The following ENPP3 variants were observed in gnomAD, a reference collection of about 807,000 sequenced individuals.
ENPP3 encodes the protein ectonucleotide pyrophosphatase/phosphodiesterase family member 3.
In ENPP3, 104 loss-of-function variants were observed where a neutral mutation model predicts 117.8. That is an observed-to-expected ratio of 0.88 (90% confidence interval 0.75 to 1.04). ENPP3 has a LOEUF of 1.04. Ranked by LOEUF, ENPP3 falls within the 50% of genes least tolerant of loss-of-function variation. The probability of loss-of-function intolerance (pLI) is 0.00; values close to 1 mark genes in which losing one functional copy is unlikely to be tolerated. For synonymous variants in ENPP3, 380 were observed against 349.9 expected (o/e 1.09, Z -0.96); for missense variants, 1,026 against 1,051.9 (o/e 0.98, Z 0.34).
Position 131,658,215 on chromosome 6 carries a change from G to T in ENPP3, c.465-108G>T, listed in dbSNP as rs977671050. 25 of 650,958 alleles carry T rather than the reference G, an allele frequency of 3.8e-5. No homozygotes were observed. In the African/African-American group the frequency reaches 4.5e-4, roughly 12 times the overall value. The allele number at this position is 650,958 out of a possible 1,614,324, so 40.3% of individuals were successfully genotyped here. ...GACAGTGTCTGGCTATGGCCCAAAAGTTACCCAATTATTTTACCTTAAACA... is the reference window on the plus strand; with the variant it reads ...GACAGTGTCTGGCTATGGCCCAAAATTTACCCAATTATTTTACCTTAAACA... On this transcript the variant is annotated intron_variant, in intron 5 of 24. Transcript: ENST00000357639.
At chr6:131,645,676 G>A (rs527599304) in intron 2 of ENPP3, among the ~76,000 whole-genome samples, 1 of 152,286 alleles carries the variant, frequency 6.6e-6, no homozygotes, top group East Asian at 1.9e-4. Context: ...GCTAGGTGTT[G>A]AATTCTAAGA....
intron 21 of ENPP3, among the ~76,000 whole-genome samples, chr6:131,734,955 A>G (rs1025362989): frequency 3.3e-5 from 5 of 152,064 alleles, no homozygotes; most frequent in Admixed American, 1.3e-4. Context: ...AAATTTGTGT[A>G]TAAAATTGTA....
intron 24 of ENPP3, among the ~76,000 whole-genome samples, chr6:131,746,506 G>T (rs1780638462): frequency 6.6e-6 from 1 of 151,926 alleles, no homozygotes; most frequent in Non-Finnish European, 1.5e-5. Flanking sequence ...GAGCCCTGGG[G>T]ACTTAACTTC....
At chr6:131,644,545 G>A (rs1009242890) in intron 2 of ENPP3, among the ~76,000 whole-genome samples, 11 of 152,176 alleles carry the variant, frequency 7.2e-5, no homozygotes, top group African/African-American at 2.7e-4. Flanking sequence ...CAGAATTTTT[G>A]TATGAACATC....
intron 11 of ENPP3, among the ~76,000 whole-genome samples, chr6:131,681,122 G>A (rs1437736588): frequency 2.0e-5 from 3 of 152,148 alleles, no homozygotes; most frequent in East Asian, 3.9e-4. Context: ...AGTAACTCTC[G>A]CTGGCAAACC....
At chr6:131,656,766 CAAAA>C (rs776315476) in intron 5 of ENPP3, among the ~76,000 whole-genome samples, 1 of 90,874 alleles carries the variant, frequency 1.1e-5, no homozygotes. Context: ...GACTCCGTCT[CAAAA>C]AAAAAAAAAA....
chr6:131,720,785 A>G (rs1780000441), intron 17 of ENPP3, among the ~76,000 whole-genome samples: 1 of 152,040 alleles, frequency 6.6e-6, no homozygotes, highest in African/African-American at 2.4e-5. Flanking sequence ...GTGTTTCACC[A>G]TGTTGGCCAG....
chr6:131,649,418 A>G (rs956088209), intron 2 of ENPP3, among the ~76,000 whole-genome samples: 6 of 152,140 alleles, frequency 3.9e-5, no homozygotes, highest in African/African-American at 1.4e-4. Context: ...GCTGTTCTCC[A>G]AACATGCCTT....
chr6:131,746,803 T>C lies in ENPP3; in HGVS notation c.2475T>C (p.Ala825=). Residue 825 remains alanine, a synonymous_variant, in exon 25 of 25, where the codon GCT becomes GCC. Coordinates refer to ENST00000357639, the MANE Select transcript of ENPP3 (RefSeq NM_005021.5). ...TTTTTCAGGAAGGTAAACCAGAAGC[T>C]CTTTGGGTTGAAGAAAGATTTACAG... The part of the protein sequence containing the change: ...VESCPEGKPE[A]LWVEERFTAH... 6.2e-7 allele frequency: 1 copy of C among 1,606,262 alleles called. No individual in the cohort carries two copies. Among genetic ancestry groups the C allele is most frequent in the African/African-American group, 1.3e-5 (1 of 74,634 alleles).
At chr6:131,643,883 T>C (rs987873748) in intron 2 of ENPP3, among the ~76,000 whole-genome samples, 1 of 151,684 alleles carries the variant, frequency 6.6e-6, no homozygotes, top group African/African-American at 2.4e-5. Context: ...GATAAAGTGC[T>C]AAGAAATAAG....
At chr6:131,725,681 A>G (rs887230820) in intron 19 of ENPP3, among the ~76,000 whole-genome samples, 1 of 152,184 alleles carries the variant, frequency 6.6e-6, no homozygotes, top group Non-Finnish European at 1.5e-5. Context: ...CAAAGTATGT[A>G]CTTTTGACTT....
chr6:131,723,543 T>A lies in ENPP3; in HGVS notation c.1747-497T>A, dbSNP rs117939417. Among the ~76,000 whole-genome samples, 185 of 152,290 alleles carry A rather than the reference T, an allele frequency of 1.2e-3. 2 individuals are homozygous for A. In the East Asian group the frequency reaches 0.022, roughly 18 times the overall value. On this transcript the variant is annotated intron_variant, in intron 18 of 24. Coordinates refer to ENST00000357639, the MANE Select transcript of ENPP3 (RefSeq NM_005021.5). ...TTCTATCTGGCTGCAAACCCCAAGT[T>A]CTATGTAAAGAATGCCTCTTGCTAT...
intron 9 of ENPP3, among the ~76,000 whole-genome samples, chr6:131,675,794 G>A (rs1488311719): frequency 1.3e-5 from 2 of 152,106 alleles, no homozygotes; most frequent in Non-Finnish European, 1.5e-5. Flanking sequence ...GAGATCAGGG[G>A]CTCCTGCAGT....
In ENPP3 at chr6:131,683,147, C is replaced by T. The variant is rs1259697827; in HGVS notation, c.1105C>T (p.Leu369Phe). 1 of 1,592,580 alleles carries T rather than the reference C, an allele frequency of 6.3e-7. No individual in the cohort carries two copies. Among genetic ancestry groups the T allele is most frequent in the East Asian group, 2.2e-5 (1 of 44,740 alleles). Residue 369 changes from leucine (L) to phenylalanine (F), a missense_variant, in exon 12 of 25, where the codon CTT (leucine) becomes TTT (phenylalanine). Leu to Phe is a conservative substitution (Grantham distance 22, BLOSUM62 0). Transcript: ENST00000357639. Reference sequence around the variant, plus strand: ...TTTGCACAACTGTGTCAATATCATCCTTCTGGCTGACCATGGTATGCTTTT... The same window carrying T: ...TTTGCACAACTGTGTCAATATCATCTTTCTGGCTGACCATGGTATGCTTTT... ...RNLHNCVNIILLADHGMDQTY... is the reference protein window; with the variant it reads ...RNLHNCVNIIFLADHGMDQTY...
intron 7 of ENPP3, among the ~76,000 whole-genome samples, chr6:131,673,457 TG>T (rs1486649604): frequency 2.0e-5 from 3 of 152,066 alleles, no homozygotes; most frequent in African/African-American, 7.2e-5. Context: ...CACTTATAAG[TG>T]GGAGCTAAAT....
intron 20 of ENPP3, among the ~76,000 whole-genome samples, chr6:131,731,269 T>C (rs900775267): frequency 3.9e-5 from 6 of 152,204 alleles, no homozygotes; most frequent in Non-Finnish European, 8.8e-5. Context: ...TTTTAAGAGT[T>C]AGGCACTAAA....
chr6:131,679,064 T>G (rs1407487089), intron 11 of ENPP3, among the ~76,000 whole-genome samples: 1 of 134,494 alleles, frequency 7.4e-6, no homozygotes, highest in African/African-American at 3.1e-5. Context: ...TTTCTTTCTT[T>G]CTTTCTTTCT....
At chr6:131,671,555 G>A (rs1778742263) in intron 7 of ENPP3, among the ~76,000 whole-genome samples, 1 of 152,186 alleles carries the variant, frequency 6.6e-6, no homozygotes, top group South Asian at 2.1e-4. Context: ...TAATTCACCT[G>A]TGTCGAGCCA....
At chr6:131,697,128 G>A (rs1460089965) in intron 15 of ENPP3, among the ~76,000 whole-genome samples, 1 of 152,160 alleles carries the variant, frequency 6.6e-6, no homozygotes, top group Non-Finnish European at 1.5e-5. Context: ...AAGGAGGCAG[G>A]TTTCCAGATG....
Sources: gnomAD v4.1 joint callset for allele counts (sites outside exome capture counted in the v4.1 genomes callset) on GRCh38, gnomAD v4.1.1 for gene constraint, MANE v1.5 for transcripts, NCBI Gene and HGNC (gene_info 2026-07-23, HGNC 2026-07-21) for gene names.